NRXN3: variants seen among roughly 807,000 people sequenced by gnomAD.
The protein encoded by NRXN3 is neurexin III.
A neutral mutation model predicts 137.6 loss-of-function variants in NRXN3; 32 were observed. That is an observed-to-expected ratio of 0.23 (90% confidence interval 0.18 to 0.31). The LOEUF is 0.31. Among genes scored for constraint, NRXN3 ranks in the 10% least tolerant of loss-of-function variants. The pLI is 1.00. For missense variants in NRXN3, 1,574 were observed against 2,062.5 expected (o/e 0.76, Z 4.59); for synonymous variants, 798 against 784.5 (o/e 1.02, Z -0.29).
At chr14:78,380,556 C>T (rs112426537) in intron 4 of NRXN3, among the ~76,000 whole-genome samples, 3 of 152,160 alleles carry the variant, frequency 2.0e-5, no homozygotes, top group African/African-American at 2.4e-5. Context: ...AATGCAGCCA[C>T]AAGCCAAGAA....
intron 16 of NRXN3, among the ~76,000 whole-genome samples, chr14:79,632,061 G>A (rs994785278): frequency 6.6e-6 from 1 of 152,108 alleles, no homozygotes; most frequent in African/African-American, 2.4e-5. Context: ...CACTGTGGAA[G>A]CTTTGTTCTT....
intron 16 of NRXN3, among the ~76,000 whole-genome samples, chr14:79,608,136 T>C (rs2098047279): frequency 6.6e-6 from 1 of 152,218 alleles, no homozygotes; most frequent in Non-Finnish European, 1.5e-5. Flanking sequence ...AGTGCCTGTG[T>C]TTTATCTTGA....
intron 15 of NRXN3, among the ~76,000 whole-genome samples, chr14:79,077,820 T>C (rs896700044): frequency 2.6e-5 from 4 of 152,146 alleles, no homozygotes; most frequent in African/African-American, 9.7e-5. Context: ...CCATTTACAT[T>C]ATATTCAGGC....
chr14:79,218,038 G>A (rs1276551403), intron 15 of NRXN3, among the ~76,000 whole-genome samples: 1 of 152,136 alleles, frequency 6.6e-6, no homozygotes, highest in Non-Finnish European at 1.5e-5. Flanking sequence ...AATATCCAAA[G>A]CAGAAAGCTG....
At chr14:78,870,166 CAGATTTTACAAGG>C (rs1488047121) in intron 10 of NRXN3, among the ~76,000 whole-genome samples, 1 of 152,144 alleles carries the variant, frequency 6.6e-6, no homozygotes, top group Non-Finnish European at 1.5e-5. Flanking sequence ...TTGCTAAAAC[CAGATTTTACAAGG>C]AAGTGCACAG....
At chr14:79,689,774 G>C (rs530189534) in intron 17 of NRXN3, among the ~76,000 whole-genome samples, 2 of 151,946 alleles carry the variant, frequency 1.3e-5, no homozygotes, top group Non-Finnish European at 2.9e-5. Context: ...GGTGCTTTAC[G>C]TTTGAAAGAG....
At chr14:79,617,762 G>A (rs1219381368) in intron 16 of NRXN3, among the ~76,000 whole-genome samples, 2 of 152,014 alleles carry the variant, frequency 1.3e-5, no homozygotes, top group Non-Finnish European at 1.5e-5. Flanking sequence ...ACGAAGTGAC[G>A]TTGGTCAATC....
intron 16 of NRXN3, among the ~76,000 whole-genome samples, chr14:79,634,920 T>C (rs879308732): frequency 2.6e-5 from 4 of 152,208 alleles, no homozygotes; most frequent in Non-Finnish European, 5.9e-5. Context: ...CTTGAGGTAT[T>C]TGTCCGTCTG....
chr14:79,444,784 C>CT lies in NRXN3; in HGVS notation c.3263-22437_3263-22436insT, dbSNP rs1184313232. Among the ~76,000 whole-genome samples, 16 of 152,236 alleles carry CT rather than the reference C, an allele frequency of 1.1e-4. No homozygotes were observed. The East Asian group carries it at 3.1e-3, about 30-fold the overall frequency. On this transcript the variant is annotated intron_variant, in intron 15 of 20. Transcript: ENST00000335750. ...TCTAGACTGCAGTGAGTTATGATCACCACTGCAGTCCAACCTGGGTGACAG... is the reference window on the plus strand; with the variant it reads ...TCTAGACTGCAGTGAGTTATGATCACTCACTGCAGTCCAACCTGGGTGACAG...
intron 15 of NRXN3, among the ~76,000 whole-genome samples, chr14:79,224,040 T>C (rs932828193): frequency 2.0e-5 from 3 of 152,240 alleles, no homozygotes; most frequent in East Asian, 3.9e-4. Context: ...TCATCAGCAA[T>C]AGGGCAACTT....
intron 10 of NRXN3, among the ~76,000 whole-genome samples, chr14:78,838,428 G>T (rs1489993253): frequency 6.6e-6 from 1 of 152,100 alleles, no homozygotes; most frequent in Non-Finnish European, 1.5e-5. Flanking sequence ...AATCCTATGT[G>T]TTGAATCATT....
chr14:78,725,259 A>AC (rs1357752462), intron 8 of NRXN3, among the ~76,000 whole-genome samples: 4 of 152,152 alleles, frequency 2.6e-5, no homozygotes, highest in African/African-American at 9.7e-5. Flanking sequence ...TCATTCAGTC[A>AC]CCTGGGGCCA....
At chr14:78,940,658 A>T (rs1257681562) in intron 10 of NRXN3, among the ~76,000 whole-genome samples, 6 of 152,232 alleles carry the variant, frequency 3.9e-5, no homozygotes, top group Admixed American at 2.6e-4. Flanking sequence ...TTCCTTGAAT[A>T]GAATGATTTT....
At chr14:79,188,638 A>T (rs1035335985) in intron 15 of NRXN3, among the ~76,000 whole-genome samples, 3 of 152,174 alleles carry the variant, frequency 2.0e-5, no homozygotes, top group Non-Finnish European at 4.4e-5. Context: ...AATAGCTATC[A>T]TTGGTCATTA....
intron 15 of NRXN3, among the ~76,000 whole-genome samples, chr14:79,006,124 G>A (rs2099552160): frequency 8.8e-6 from 1 of 113,968 alleles, no homozygotes; most frequent in South Asian, 2.6e-4. Context: ...CTGGCAGAGT[G>A]TGAGAAGCAG....
At chr14:78,404,333 T>C (rs926277697) in intron 4 of NRXN3, among the ~76,000 whole-genome samples, 3 of 152,052 alleles carry the variant, frequency 2.0e-5, no homozygotes, top group Admixed American at 2.0e-4. Flanking sequence ...AGGAGGCAGC[T>C]ATAGATTTCT....
chr14:78,431,611 G>T (rs2153687770), intron 4 of NRXN3, among the ~76,000 whole-genome samples: 1 of 152,202 alleles, frequency 6.6e-6, no homozygotes, highest in East Asian at 1.9e-4. Context: ...GTGTGTTGGG[G>T]AGTATATCTT....
At chr14:78,270,050 A>G (rs886923358) in intron 2 of NRXN3, among the ~76,000 whole-genome samples, 4 of 152,198 alleles carry the variant, frequency 2.6e-5, no homozygotes, top group Admixed American at 2.0e-4. Context: ...CCAGGCAAGT[A>G]GACTGTCCCC....
At chr14:78,257,093 C>A (rs1173125541) in intron 2 of NRXN3, among the ~76,000 whole-genome samples, 1 of 152,188 alleles carries the variant, frequency 6.6e-6, no homozygotes, top group Non-Finnish European at 1.5e-5. Context: ...AGTTACAGTT[C>A]CTTCTTCAGA....
Sources: gnomAD v4.1 joint callset for allele counts (sites outside exome capture counted in the v4.1 genomes callset) on GRCh38, gnomAD v4.1.1 for gene constraint, MANE v1.5 for transcripts, NCBI Gene and HGNC (gene_info 2026-07-23, HGNC 2026-07-21) for gene names.